The following SEMA3D variants were observed in gnomAD, a reference collection of about 807,000 sequenced individuals.
SEMA3D encodes semaphorin 3D.
SEMA3D carries 84 observed loss-of-function variants against 100.1 expected under a neutral mutation model. That is an observed-to-expected ratio of 0.84 (90% CI 0.70 to 1.01). The LOEUF is 1.01. Among genes scored for constraint, SEMA3D ranks in the 50% least tolerant of loss-of-function variants. SEMA3D has a pLI of 0.00. For synonymous variants in SEMA3D, 312 were observed against 320.7 expected (o/e 0.97, Z 0.29); for missense variants, 875 against 934.1 (o/e 0.94, Z 0.82).
intron 8 of SEMA3D, among the ~76,000 whole-genome samples, chr7:85,059,273 A>G (rs1165480059): frequency 6.6e-6 from 1 of 152,166 alleles, no homozygotes; most frequent in Non-Finnish European, 1.5e-5. Flanking sequence ...AGACTCATTA[A>G]CTCAAGGTCA....
chr7:85,050,565 T>C (rs1162515429), intron 9 of SEMA3D: 2 of 372,510 alleles, frequency 5.4e-6, no homozygotes, highest in East Asian at 7.5e-5. Context: ...CCTCAGGCTC[T>C]CATTGATCAA....
At chr7:85,241,457 C>CTG in the SEMA3D span, among the ~76,000 whole-genome samples, 1,276 of 101,388 alleles carry the variant, frequency 0.013, 85 homozygotes, top group East Asian at 0.071. Flanking sequence ...AATAAAGAAA[C>CTG]TGTGTGTGTG....
intron 1 of SEMA3D, among the ~76,000 whole-genome samples, chr7:85,167,788 A>C (rs1005582444): frequency 1.5e-4 from 23 of 151,896 alleles, no homozygotes; most frequent in African/African-American, 5.6e-4. Context: ...AAGACTGCAC[A>C]TCTGCTTCCT....
the SEMA3D span, among the ~76,000 whole-genome samples, chr7:85,248,368 G>C: frequency 1.3e-5 from 2 of 152,088 alleles, no homozygotes; most frequent in African/African-American, 4.8e-5. Context: ...CTCATTTATT[G>C]ATACTGGGAA....
chr7:85,131,118 T>C (rs1301808843), intron 2 of SEMA3D, among the ~76,000 whole-genome samples: 2 of 152,194 alleles, frequency 1.3e-5, no homozygotes, highest in East Asian at 3.9e-4. Flanking sequence ...CTATTAAAAC[T>C]CGATTTAAGA....
intron 1 of SEMA3D, among the ~76,000 whole-genome samples, chr7:85,159,113 G>T (rs1790676394): frequency 6.6e-6 from 1 of 151,968 alleles, no homozygotes; most frequent in South Asian, 2.1e-4. Context: ...ACTTATCTTA[G>T]ACCCTGATAT....
At chr7:85,205,197 T>C in the SEMA3D span, among the ~76,000 whole-genome samples, 1 of 152,116 alleles carries the variant, frequency 6.6e-6, no homozygotes, top group African/African-American at 2.4e-5. Context: ...CCATTAGAAA[T>C]ATGGTTTACA....
chr7:85,250,124 C>T, the SEMA3D span, among the ~76,000 whole-genome samples: 17 of 152,074 alleles, frequency 1.1e-4, no homozygotes, highest in South Asian at 2.1e-4. Flanking sequence ...CCTGGAGAAT[C>T]GGGTCACTCC....
intron 9 of SEMA3D, among the ~76,000 whole-genome samples, chr7:85,049,802 A>G (rs1338885973): frequency 6.6e-6 from 1 of 151,888 alleles, no homozygotes; most frequent in Non-Finnish European, 1.5e-5. Context: ...AGGGCTATTA[A>G]TGAGACCCCC....
chr7:85,221,171 G>A, the SEMA3D span, among the ~76,000 whole-genome samples: 1 of 151,940 alleles, frequency 6.6e-6, no homozygotes, highest in Non-Finnish European at 1.5e-5. Context: ...TGTTCAACTA[G>A]GCAATTTTAT....
chr7:85,096,874 G>A lies in SEMA3D; in HGVS notation c.312+931C>T, dbSNP rs1032866117. On this transcript the variant is annotated intron_variant, in intron 4 of 18. Coordinates refer to ENST00000284136, the MANE Select transcript of SEMA3D (RefSeq NM_001384900.1). ...CTTCAAAGTCCAAAGTCCTAGGATG[G>A]CCTATAAATAATTCTCTTTGAAGAA... Among the ~76,000 whole-genome samples the A allele has an allele frequency of 2.0e-5, 3 of 151,872 alleles. 1 individual carries two copies. Among genetic ancestry groups the A allele is most frequent in the African/African-American group, 7.2e-5 (3 of 41,490 alleles).
chr7:85,006,733 A>G (rs1789806251), intron 18 of SEMA3D, 69 bp downstream of exon 18: 1 of 1,298,892 alleles, frequency 7.7e-7, no homozygotes, highest in Non-Finnish European at 1.0e-6. Context: ...TACAGAATTA[A>G]AAGTTGAACA....
intron 2 of SEMA3D, among the ~76,000 whole-genome samples, chr7:85,130,285 G>A (rs925414824): frequency 1.3e-5 from 2 of 152,070 alleles, no homozygotes; most frequent in Non-Finnish European, 2.9e-5. Context: ...CAATCAAAAA[G>A]GGCAGCTTTT....
At chr7:85,149,977 G>C (rs927008305) in intron 2 of SEMA3D, among the ~76,000 whole-genome samples, 1 of 152,064 alleles carries the variant, frequency 6.6e-6, no homozygotes, top group African/African-American at 2.4e-5. Context: ...GCCATGTGAA[G>C]TTGGGTTCTT....
the SEMA3D span, among the ~76,000 whole-genome samples, chr7:85,235,287 C>T: frequency 3.9e-5 from 6 of 152,050 alleles, no homozygotes; most frequent in African/African-American, 1.4e-4. Context: ...AAAAACAATT[C>T]TTGTCTAACA....
chr7:85,144,762 T>A, intron 2 of SEMA3D: 1 of 652,694 alleles, frequency 1.5e-6, no homozygotes, highest in Non-Finnish European at 1.9e-6. Context: ...AAGCAAATAA[T>A]AATATTTCAT....
chr7:85,075,063 C>T (rs980772080), intron 5 of SEMA3D, among the ~76,000 whole-genome samples: 14 of 152,162 alleles, frequency 9.2e-5, no homozygotes, highest in South Asian at 6.2e-4. Flanking sequence ...CCAGCCTTTG[C>T]GCACTCATGC....
intron 2 of SEMA3D, chr7:85,144,256 C>A (rs945792307): frequency 6.1e-6 from 1 of 163,476 alleles, no homozygotes; most frequent in Admixed American, 6.6e-5. Context: ...ATTCTGATTT[C>A]ATAAAATTTA....
In SEMA3D at chr7:85,129,861, G is replaced by T. The variant is rs114886346; in HGVS notation, c.-40-7930C>A. On this transcript the variant is annotated intron_variant, in intron 2 of 18. Coordinates refer to ENST00000284136, the MANE Select transcript of SEMA3D (RefSeq NM_001384900.1). The stretch of plus-strand genomic sequence containing the variant: ...AACATTTAATCTAAAAAAACTGCAC[G>T]TAGCAGGAAAACTATGACCTTGAGT... Among the ~76,000 whole-genome samples, 429 of 152,092 alleles carry T rather than the reference G, an allele frequency of 2.8e-3. 3 individuals are homozygous for T. Among genetic ancestry groups the T allele is most frequent in the African/African-American group, 9.9e-3 (411 of 41,500 alleles).
Sources: gnomAD v4.1 joint callset for allele counts (sites outside exome capture counted in the v4.1 genomes callset) on GRCh38, gnomAD v4.1.1 for gene constraint, MANE v1.5 for transcripts, NCBI Gene and HGNC (gene_info 2026-07-23, HGNC 2026-07-21) for gene names.